Variants in AGBL4 observed in about 807,000 individuals in gnomAD.
The protein encoded by AGBL4 is AGBL carboxypeptidase 4, also known as cytosolic carboxypeptidase 6.
Under a neutral mutation model 66.4 loss-of-function variants are expected in AGBL4, and 58 were observed. That is an observed-to-expected ratio of 0.87 (90% CI 0.71 to 1.09). AGBL4 has a LOEUF of 1.09. Ranked by LOEUF, AGBL4 falls within the 50% of genes least tolerant of loss-of-function variation. The probability of loss-of-function intolerance (pLI) is 0.00; values close to 1 mark genes in which losing one functional copy is unlikely to be tolerated. For missense variants in AGBL4, 579 were observed against 631.0 expected (o/e 0.92, Z 0.88); for synonymous variants, 234 against 222.9 (o/e 1.05, Z -0.44).
At chr1:49,516,952 T>G (rs1417516969) in intron 3 of AGBL4, among the ~76,000 whole-genome samples, 2 of 152,002 alleles carry the variant, frequency 1.3e-5, no homozygotes. Context: ...AAAACGATAA[T>G]CAAAACATAA....
chr1:49,875,209 G>C (rs1323198748), intron 1 of AGBL4, among the ~76,000 whole-genome samples: 1 of 148,812 alleles, frequency 6.7e-6, no homozygotes, highest in Admixed American at 6.7e-5. Flanking sequence ...ACATTGTGCA[G>C]GTTAGTTACA....
intron 5 of AGBL4, among the ~76,000 whole-genome samples, chr1:49,020,185 T>A (rs1379806528): frequency 6.6e-6 from 1 of 152,118 alleles, no homozygotes; most frequent in East Asian, 1.9e-4. Context: ...AGCAGCATGG[T>A]TAGTTTTACT....
At chr1:49,475,156 G>A (rs1241786792) in intron 3 of AGBL4, among the ~76,000 whole-genome samples, 1 of 151,950 alleles carries the variant, frequency 6.6e-6, no homozygotes, top group Non-Finnish European at 1.5e-5. Context: ...AAGCATGTTG[G>A]ATGTTATCGC....
At chr1:48,789,838 A>G (rs1322439610) in intron 6 of AGBL4, among the ~76,000 whole-genome samples, 1 of 152,164 alleles carries the variant, frequency 6.6e-6, no homozygotes, top group Non-Finnish European at 1.5e-5. Context: ...GTCTTTCCCA[A>G]GCCAACCCGT....
At chr1:49,593,590 T>C (rs188428124) in intron 3 of AGBL4, among the ~76,000 whole-genome samples, 160 of 152,320 alleles carry the variant, frequency 1.1e-3, no homozygotes, top group Admixed American at 4.9e-3. Context: ...CAATAAAGTA[T>C]AGTGGCTGGG....
At position 48,837,709 on chromosome 1, in the gene AGBL4, C is replaced by CTATATATATATAT. The variant is rs1310220715; in HGVS notation, c.634+29481_634+29482insATATATATATATA. Reference sequence around the variant, plus strand: ...ACACGCACACACACGCACACACACACACTATATATATATATATATATATAT... The same window carrying CTATATATATATAT: ...ACACGCACACACACGCACACACACACTATATATATATATACTATATATATATATATATATATAT... On this transcript the variant is annotated intron_variant, in intron 6 of 13. Coordinates refer to ENST00000371839, the MANE Select transcript of AGBL4 (RefSeq NM_032785.4). 1.1e-4 allele frequency among the ~76,000 whole-genome samples: 8 copies of CTATATATATATAT among 75,080 alleles called. No homozygotes were observed. The East Asian group carries it at 4.9e-3, about 46-fold the overall frequency. 49.3% of individuals were successfully genotyped at this position (75,080 alleles called of 152,430 possible).
intron 2 of AGBL4, among the ~76,000 whole-genome samples, chr1:49,709,778 C>T (rs538483319): frequency 5.3e-5 from 8 of 151,886 alleles, no homozygotes; most frequent in Admixed American, 2.0e-4. Flanking sequence ...AAAAAGTGGC[C>T]GAAGGATATG....
intron 5 of AGBL4, among the ~76,000 whole-genome samples, chr1:49,039,291 T>C (rs1345516037): frequency 3.9e-5 from 6 of 152,070 alleles, no homozygotes; most frequent in Non-Finnish European, 5.9e-5. Context: ...TCCACACCCA[T>C]AGAATGTACA....
intron 10 of AGBL4, among the ~76,000 whole-genome samples, chr1:48,590,054 C>T (rs1274700298): frequency 3.3e-5 from 5 of 152,092 alleles, no homozygotes; most frequent in Admixed American, 1.3e-4. Context: ...TTGAAACCAG[C>T]TTTGGCAACA....
At chr1:49,673,362 G>A (rs989435012) in intron 3 of AGBL4, among the ~76,000 whole-genome samples, 21 of 152,282 alleles carry the variant, frequency 1.4e-4, no homozygotes, top group African/African-American at 4.8e-4. Context: ...TGGAACTGCA[G>A]GATCATAAGG....
At chr1:48,599,985 A>C (rs1445304001) in intron 9 of AGBL4, among the ~76,000 whole-genome samples, 1 of 152,146 alleles carries the variant, frequency 6.6e-6, no homozygotes, top group Non-Finnish European at 1.5e-5. Context: ...AGTTTAGCTA[A>C]AAGAGAAGGA....
intron 9 of AGBL4, among the ~76,000 whole-genome samples, chr1:48,619,883 T>G (rs1399144912): frequency 6.6e-6 from 1 of 152,092 alleles, no homozygotes; most frequent in Non-Finnish European, 1.5e-5. Context: ...GCCCCAAGCC[T>G]CTCCTGGTGT....
chr1:49,544,490 T>C (rs542388428), intron 3 of AGBL4, among the ~76,000 whole-genome samples: 1 of 152,330 alleles, frequency 6.6e-6, no homozygotes, highest in South Asian at 2.1e-4. Flanking sequence ...CAGTGGTATG[T>C]ATATTCAGAT....
At chr1:49,551,524 ATGT>A (rs1652954363) in intron 3 of AGBL4, among the ~76,000 whole-genome samples, 1 of 151,924 alleles carries the variant, frequency 6.6e-6, no homozygotes, top group Non-Finnish European at 1.5e-5. Flanking sequence ...TTTCCTGTGG[ATGT>A]TGTTTGCTGT....
At chr1:48,595,169 T>C (rs1480593922) in intron 9 of AGBL4, among the ~76,000 whole-genome samples, 2 of 152,196 alleles carry the variant, frequency 1.3e-5, no homozygotes, top group African/African-American at 4.8e-5. Flanking sequence ...TGCGCTCTTA[T>C]AATTCAAGGT....
intron 3 of AGBL4, among the ~76,000 whole-genome samples, chr1:49,644,617 A>C (rs2124420976): frequency 6.6e-6 from 1 of 151,674 alleles, no homozygotes; most frequent in East Asian, 1.9e-4. Context: ...AAAATCCTGA[A>C]GTGAAACTGG....
intron 3 of AGBL4, among the ~76,000 whole-genome samples, chr1:49,691,756 A>C (rs969348548): frequency 7.2e-5 from 11 of 152,086 alleles, no homozygotes; most frequent in Non-Finnish European, 5.9e-5. Flanking sequence ...GGCACAATGT[A>C]ATCAGCTGCC....
chr1:49,582,735 T>C (rs532842076), intron 3 of AGBL4, among the ~76,000 whole-genome samples: 100 of 152,334 alleles, frequency 6.6e-4, no homozygotes, highest in African/African-American at 2.2e-3. Flanking sequence ...AGACAGGGGA[T>C]GGGACTCAGG....
chr1:48,901,299 G>A (rs961947468), intron 5 of AGBL4, among the ~76,000 whole-genome samples: 3 of 152,280 alleles, frequency 2.0e-5, no homozygotes, highest in Middle Eastern at 3.4e-3. Flanking sequence ...ACCTTGGAAT[G>A]AAGTTTGGCA....
Sources: allele counts gnomAD v4.1 joint callset (sites outside exome capture counted in the v4.1 genomes callset), GRCh38; gene constraint gnomAD v4.1.1; transcripts MANE v1.5; gene names NCBI Gene and HGNC (gene_info 2026-07-23, HGNC 2026-07-21).